The following ANGPT4 variants were observed in gnomAD, a reference collection of about 807,000 sequenced individuals.
The protein encoded by ANGPT4 is angiopoietin 4.
ANGPT4 carries 50 observed loss-of-function variants against 53.0 expected under a neutral mutation model. The ratio of observed to expected loss-of-function variants is 0.94; its 90% CI spans 0.75 to 1.20. The LOEUF is 1.20. Ranked by LOEUF, ANGPT4 falls within the 50% of genes most tolerant of loss-of-function variation. The probability of loss-of-function intolerance (pLI) is 0.00; values close to 1 mark genes in which losing one functional copy is unlikely to be tolerated. For synonymous variants in ANGPT4, 251 were observed against 259.7 expected (o/e 0.97, Z 0.32); for missense variants, 648 against 637.1 (o/e 1.02, Z -0.18).
At chr20:880,179 C>T (rs897155949) in intron 5 of ANGPT4, among the ~76,000 whole-genome samples, 2 of 152,142 alleles carry the variant, frequency 1.3e-5, no homozygotes, top group African/African-American at 4.8e-5. Flanking sequence ...TAGAACAGTG[C>T]CTGGCAGTAC....
At chr20:874,169 A>G in intron 8 of ANGPT4, 115 bp downstream of exon 8, 1 of 1,505,642 alleles carries the variant, frequency 6.6e-7, no homozygotes, top group Non-Finnish European at 9.1e-7. Flanking sequence ...CAAGGCCCAG[A>G]CCTGCACCCA....
chr20:870,714 T>C lies in ANGPT4; in HGVS notation c.*2246A>G, dbSNP rs1175250082. The C allele has an allele frequency of 6.6e-6, 1 of 152,008 alleles. No homozygotes were observed. Among genetic ancestry groups the C allele is most frequent in the East Asian group, 1.9e-4 (1 of 5,184 alleles). The allele number at this position is 152,008 out of a possible 1,614,324, so 9.4% of individuals were successfully genotyped here. On this transcript the variant is annotated 3_prime_UTR_variant, in exon 9 of 9. Coordinates refer to ENST00000381922, the MANE Select transcript of ANGPT4 (RefSeq NM_015985.4). ...CTTGCAGTCAGCCTAGAAACTACAA[T>C]AGAAAAATAAATGATGTGGATACAA...
At chr20:892,726 G>T (rs973239301) in intron 1 of ANGPT4, among the ~76,000 whole-genome samples, 1 of 152,158 alleles carries the variant, frequency 6.6e-6, no homozygotes, top group Non-Finnish European at 1.5e-5. Context: ...AGGCTGGAGT[G>T]CAGTGATGTG....
At chr20:895,034 G>A (rs1419525550) in intron 1 of ANGPT4, among the ~76,000 whole-genome samples, 1 of 152,158 alleles carries the variant, frequency 6.6e-6, no homozygotes, top group Non-Finnish European at 1.5e-5. Context: ...GATAATCTGG[G>A]CCAGATGGGC....
intron 6 of ANGPT4, 51 bp downstream of exon 6, chr20:879,696 C>T (rs1272049654): frequency 6.5e-7 from 1 of 1,537,108 alleles, no homozygotes; most frequent in African/African-American, 1.4e-5. Context: ...AGCCCAGCCC[C>T]AGCCCCAGGT....
intron 1 of ANGPT4, among the ~76,000 whole-genome samples, chr20:896,836 G>A (rs759981934): frequency 3.3e-5 from 5 of 152,064 alleles, no homozygotes; most frequent in Admixed American, 6.6e-5. Context: ...CATAATGAAC[G>A]CATGATAAAT....
chr20:899,694 C>A (rs1982212414), intron 1 of ANGPT4, among the ~76,000 whole-genome samples: 1 of 152,196 alleles, frequency 6.6e-6, no homozygotes, highest in South Asian at 2.1e-4. Flanking sequence ...TCTTGCCTAT[C>A]CACCCTGTGG....
At position 908,375 on chromosome 20, in the gene ANGPT4, T is replaced by C. The variant is rs754565259; in HGVS notation, c.309+7531A>G. On this transcript the variant is annotated intron_variant, in intron 1 of 8. Transcript: ENST00000381922. This position sits in a 1 kb window ranked among gnomAD's most constrained non-coding sequence, Gnocchi z 4.9. ...CTACCCCCAGGGCCTTTGCACTTGC[T>C]GTCCCGTGTGCCTGGAATGCTTTTG... 2.0e-5 allele frequency among the ~76,000 whole-genome samples: 3 copies of C among 152,206 alleles called. No homozygotes were observed. The highest frequency in any genetic ancestry group is 4.4e-5 in the Non-Finnish European group (3 of 68,036).
Position 870,987 on chromosome 20 carries a change from G to T in ANGPT4, c.*1973C>A, listed in dbSNP as rs1980919809. On this transcript the variant is annotated 3_prime_UTR_variant, in exon 9 of 9. Coordinates refer to ENST00000381922, the MANE Select transcript of ANGPT4 (RefSeq NM_015985.4). ...GGCTTTGATGATGTGAAGATAACTG[G>T]TGCCTTGAGAGGCTGAGCCACTGGA... is the stretch of plus-strand genomic sequence containing the variant. The T allele has an allele frequency of 6.6e-6, 1 of 152,252 alleles. No individual in the cohort carries two copies. Among genetic ancestry groups the T allele is most frequent in the Non-Finnish European group, 1.5e-5 (1 of 68,082 alleles). 9.4% of individuals were successfully genotyped at this position (152,252 alleles called of 1,614,324 possible).
chr20:906,417 G>A lies in ANGPT4; in HGVS notation c.309+9489C>T, dbSNP rs145963244. Among the ~76,000 whole-genome samples, 379 of 152,234 alleles carry A rather than the reference G, an allele frequency of 2.5e-3. 3 individuals carry two copies. Among genetic ancestry groups the A allele is most frequent in the African/African-American group, 8.5e-3 (355 of 41,538 alleles). The stretch of plus-strand genomic sequence containing the variant: ...AACCACATGAAAAAAACCCCAAGTC[G>A]GAACTACCTTGTTAAGTTGCTTCAG... On this transcript the variant is annotated intron_variant, in intron 1 of 8. Transcript: ENST00000381922.
chr20:886,065 C>T (rs1034663319), intron 3 of ANGPT4, among the ~76,000 whole-genome samples: 2 of 152,150 alleles, frequency 1.3e-5, no homozygotes, highest in Admixed American at 1.3e-4. Flanking sequence ...CCAACTTTCA[C>T]TTTTATTTTG....
Position 878,175 on chromosome 20 carries a change from C to A in ANGPT4, c.1206G>T (p.Glu402Asp). Residue 402 changes from glutamate to aspartate, a missense_variant, in exon 7 of 9, where the codon GAG (glutamate) becomes GAT (aspartate). Coordinates refer to ENST00000381922, the MANE Select transcript of ANGPT4 (RefSeq NM_015985.4). ...CCCGAACCCACCTGTATAGCTGGTT[C>A]TCACTGCCCAGGTGGAAATGTTCGT... Reference protein sequence around the residue: ...AQYEHFHLGSENQLYRLSVVG... With the variant: ...AQYEHFHLGSDNQLYRLSVVG... The A allele has an allele frequency of 6.3e-7, 1 of 1,598,030 alleles. No homozygotes were observed. Among genetic ancestry groups the A allele is most frequent in the Non-Finnish European group, 8.6e-7 (1 of 1,166,816 alleles).
chr20:883,734 G>C (rs963787071), intron 4 of ANGPT4, among the ~76,000 whole-genome samples: 1 of 152,244 alleles, frequency 6.6e-6, no homozygotes, highest in East Asian at 1.9e-4. Context: ...TGGGGACTGG[G>C]TTACCAGTGG....
Position 890,255 on chromosome 20 carries a change from C to T in ANGPT4, c.423G>A (p.Gln141=). Residue 141 remains glutamine (Q), a synonymous_variant, in exon 2 of 9, where the codon CAG becomes CAA. Coordinates refer to ENST00000381922, the MANE Select transcript of ANGPT4 (RefSeq NM_015985.4). Reference sequence around the variant, plus strand: ...TCAGCTTGCGGATCTGGGCAGTGGTCTGGTTCAGGAGGCTGGTGCCCAGCT... The same window carrying T: ...TCAGCTTGCGGATCTGGGCAGTGGTTTGGTTCAGGAGGCTGGTGCCCAGCT... ...MLELGTSLLN[Q]TTAQIRKLTD... 1.2e-6 allele frequency: 2 copies of T among 1,614,026 alleles called. No homozygotes were observed. The highest frequency in any genetic ancestry group is 1.7e-4 in the Middle Eastern group (1 of 6,058).
At chr20:915,565 T>C (rs543026141) in intron 1 of ANGPT4, among the ~76,000 whole-genome samples, 1 of 152,282 alleles carries the variant, frequency 6.6e-6, no homozygotes, top group South Asian at 2.1e-4. Flanking sequence ...TCTGACATAG[T>C]AGATTATCTC....
At chr20:895,621 C>T (rs1474600069) in intron 1 of ANGPT4, among the ~76,000 whole-genome samples, 1 of 152,118 alleles carries the variant, frequency 6.6e-6, no homozygotes, top group Non-Finnish European at 1.5e-5. Context: ...GCCTCCGTGG[C>T]CGAGGAGATC....
intron 3 of ANGPT4, among the ~76,000 whole-genome samples, chr20:886,719 G>T (rs1981632268): frequency 6.6e-6 from 1 of 152,198 alleles, no homozygotes; most frequent in African/African-American, 2.4e-5. Flanking sequence ...CTTATGTAAG[G>T]TATTGATATT....
chr20:899,574 A>AATT (rs1982205114), intron 1 of ANGPT4, among the ~76,000 whole-genome samples: 1 of 151,228 alleles, frequency 6.6e-6, no homozygotes, highest in African/African-American at 2.4e-5. Context: ...TCTTTTATGC[A>AATT]CTCTTTTTTA....
intron 1 of ANGPT4, among the ~76,000 whole-genome samples, chr20:902,340 T>TA (rs141370542): frequency 7.8e-4 from 116 of 148,064 alleles, no homozygotes; most frequent in South Asian, 1.9e-3. Flanking sequence ...AAACTTGCAT[T>TA]AAAAAAAAAA....
Sources: allele counts gnomAD v4.1 joint callset (sites outside exome capture counted in the v4.1 genomes callset), GRCh38; gene constraint gnomAD v4.1.1; non-coding constraint Gnocchi (gnomAD v3.1); transcripts MANE v1.5; gene names NCBI Gene and HGNC (gene_info 2026-07-23, HGNC 2026-07-21).